The following HDAC9 variants were observed in gnomAD, a reference collection of about 807,000 sequenced individuals.
HDAC9 encodes MEF-2 interacting transcription repressor (MITR) protein.
HDAC9 carries 41 observed loss-of-function variants against 139.4 expected under a neutral mutation model. The ratio of observed to expected loss-of-function variants is 0.29; its 90% CI spans 0.23 to 0.38. HDAC9 has a LOEUF of 0.38. Among genes scored for constraint, HDAC9 ranks in the 10% least tolerant of loss-of-function variants. The probability of loss-of-function intolerance (pLI) is 1.00; values close to 1 mark genes in which losing one functional copy is unlikely to be tolerated. For synonymous variants in HDAC9, 517 were observed against 476.2 expected, an observed-to-expected ratio of 1.09 and a Z score of -1.12; for missense variants, 1,147 against 1,297.0, an observed-to-expected ratio of 0.88 and a Z score of 1.78.
At chr7:18,946,901 C>T (rs1188924312) in intron 23 of HDAC9, among the ~76,000 whole-genome samples, 4 of 151,676 alleles carry the variant, frequency 2.6e-5, no homozygotes, top group Non-Finnish European at 4.4e-5. Flanking sequence ...AAAAATAGAC[C>T]GTATATGGAG....
At chr7:18,729,954 A>G (rs1785898503) in intron 13 of HDAC9, among the ~76,000 whole-genome samples, 1 of 152,218 alleles carries the variant, frequency 6.6e-6, no homozygotes. Context: ...AGTAAAAATT[A>G]CATTGTAACT....
At chr7:18,824,681 T>G (rs1441066037) in intron 17 of HDAC9, among the ~76,000 whole-genome samples, 5 of 152,162 alleles carry the variant, frequency 3.3e-5, no homozygotes, top group Non-Finnish European at 7.4e-5. Context: ...ATGGATTGTG[T>G]GCATGTTGGA....
intron 1 of HDAC9, among the ~76,000 whole-genome samples, chr7:18,417,190 C>T (rs549305211): frequency 6.6e-6 from 1 of 152,228 alleles, no homozygotes; most frequent in African/African-American, 2.4e-5. Flanking sequence ...CTAATCTTTT[C>T]TTCTGCATTG....
intron 2 of HDAC9, among the ~76,000 whole-genome samples, chr7:18,194,383 T>C (rs1388877517): frequency 6.6e-6 from 1 of 152,146 alleles, no homozygotes; most frequent in Non-Finnish European, 1.5e-5. Flanking sequence ...AATTAATCAT[T>C]TTCATTGTGG....
chr7:18,111,718 A>T (rs528574713), intron 1 of HDAC9, among the ~76,000 whole-genome samples: 1 of 152,156 alleles, frequency 6.6e-6, no homozygotes, highest in African/African-American at 2.4e-5. Flanking sequence ...TGCATTTGCA[A>T]TTGAATTTGG....
intron 1 of HDAC9, among the ~76,000 whole-genome samples, chr7:18,463,189 C>T (rs145749841): frequency 1.7e-4 from 26 of 152,026 alleles, no homozygotes; most frequent in Non-Finnish European, 3.2e-4. Context: ...TCTATGTTTA[C>T]GAATGAGATT....
chr7:18,152,491 A>G (rs1395210711), intron 1 of HDAC9, among the ~76,000 whole-genome samples: 5 of 152,142 alleles, frequency 3.3e-5, no homozygotes, highest in African/African-American at 9.7e-5. Flanking sequence ...TAGCTTAGTT[A>G]AGAATCACCA....
At chr7:18,162,981 G>A (rs1484257808) in intron 2 of HDAC9, among the ~76,000 whole-genome samples, 2 of 152,196 alleles carry the variant, frequency 1.3e-5, no homozygotes, top group Non-Finnish European at 2.9e-5. Flanking sequence ...GAATGATGAA[G>A]TAGGGTCAGA....
At chr7:18,645,684 G>A (rs1787152725) in intron 9 of HDAC9, among the ~76,000 whole-genome samples, 2 of 152,142 alleles carry the variant, frequency 1.3e-5, no homozygotes, top group South Asian at 2.1e-4. Flanking sequence ...ATTCATCTCT[G>A]AAATGTTAGT....
At chr7:18,668,181 T>C (rs892230077) in intron 12 of HDAC9, 1 of 852,130 alleles carries the variant, frequency 1.2e-6, no homozygotes, top group Non-Finnish European at 1.4e-6. Context: ...CAAATTAAAT[T>C]AACATAACTA....
At chr7:18,097,341 T>C (rs1782572953) in intron 1 of HDAC9, among the ~76,000 whole-genome samples, 1 of 152,214 alleles carries the variant, frequency 6.6e-6, no homozygotes, top group African/African-American at 2.4e-5. Context: ...CTTTCCTAAA[T>C]GACCAGCAAC....
At chr7:18,351,447 A>C (rs943430180) in intron 1 of HDAC9, among the ~76,000 whole-genome samples, 2 of 152,196 alleles carry the variant, frequency 1.3e-5, no homozygotes, top group Non-Finnish European at 2.9e-5. Flanking sequence ...AAATAAAACA[A>C]AAATCCCCCA....
intron 12 of HDAC9, among the ~76,000 whole-genome samples, chr7:18,706,203 C>G (rs1333361779): frequency 7.3e-6 from 1 of 137,412 alleles, no homozygotes; most frequent in Admixed American, 7.7e-5. Context: ...CTCCCTGAGC[C>G]GCAATAAATT....
chr7:18,417,076 A>G (rs1190329102), intron 1 of HDAC9, among the ~76,000 whole-genome samples: 3 of 152,308 alleles, frequency 2.0e-5, no homozygotes, highest in African/African-American at 4.8e-5. Context: ...TTACGAATAT[A>G]TTAGACTGCC....
At chr7:18,870,762 C>A (rs558500302) in intron 21 of HDAC9, among the ~76,000 whole-genome samples, 10 of 152,278 alleles carry the variant, frequency 6.6e-5, no homozygotes, top group South Asian at 6.2e-4. Context: ...CAGCCTCAAA[C>A]TCCTAGGCTC....
chr7:18,591,596 A>G lies in HDAC9; in HGVS notation c.496A>G (p.Asn166Asp). 2.5e-6 allele frequency: 4 copies of G among 1,613,474 alleles called. No individual in the cohort carries two copies. Among genetic ancestry groups the G allele is most frequent in the Non-Finnish European group, 3.4e-6 (4 of 1,179,714 alleles). ...ATCAGCAACGAAAGACACTCCAACT[A>G]ATGGAAAAAATCATTCCGTGAGCCG... ...SKSATKDTPT[N>D]GKNHSVSRHP... The change falls in exon 5 of 26, where the codon AAT (asparagine) becomes GAT (aspartate). Residue 166 changes from asparagine to aspartate, a missense_variant. This residue lies in a region of HDAC9 where 79 missense variants were observed against 65.8 expected (regional missense o/e 1.20). Coordinates refer to ENST00000686413, the MANE Select transcript of HDAC9 (RefSeq NM_178425.4).
intron 23 of HDAC9, among the ~76,000 whole-genome samples, chr7:18,944,581 C>T (rs1174377042): frequency 2.0e-5 from 3 of 151,984 alleles, no homozygotes; most frequent in Non-Finnish European, 4.4e-5. Flanking sequence ...AACAATTATA[C>T]AGAAAACTGC....
At chr7:18,251,812 A>G (rs763971761) in intron 2 of HDAC9, among the ~76,000 whole-genome samples, 1 of 152,158 alleles carries the variant, frequency 6.6e-6, no homozygotes, top group Non-Finnish European at 1.5e-5. Context: ...ATTTTTGTAT[A>G]TGCGTATGTG....
At chr7:18,976,185 G>T (rs1227976301) in intron 25 of HDAC9, among the ~76,000 whole-genome samples, 3 of 152,228 alleles carry the variant, frequency 2.0e-5, no homozygotes. Flanking sequence ...CAGAGAAATA[G>T]AGGGGATGAG....
Sources: allele counts gnomAD v4.1 joint callset (sites outside exome capture counted in the v4.1 genomes callset), GRCh38; gene constraint gnomAD v4.1.1; regional missense constraint gnomAD v4.1.1; transcripts MANE v1.5; gene names NCBI Gene and HGNC (gene_info 2026-07-23, HGNC 2026-07-21).